The following RNF19A variants were observed in gnomAD, a reference collection of about 807,000 sequenced individuals.
RNF19A encodes the protein ring finger protein 19A, RBR E3 ubiquitin protein ligase, also known as E3 ubiquitin-protein ligase RNF19A.
A neutral mutation model predicts 75.7 loss-of-function variants in RNF19A; 32 were observed. The ratio of observed to expected loss-of-function variants is 0.42; its 90% CI spans 0.32 to 0.57. RNF19A has a LOEUF of 0.57. Among genes scored for constraint, RNF19A ranks in the 20% least tolerant of loss-of-function variants. The probability of loss-of-function intolerance (pLI) is 0.10; values close to 1 mark genes in which losing one functional copy is unlikely to be tolerated. For synonymous variants in RNF19A, 335 were observed against 345.2 expected (o/e 0.97, Z 0.33); for missense variants, 782 against 1,036.3 (o/e 0.75, Z 3.37).
At chr8:100,281,951 C>T (rs1195319374) in intron 2 of RNF19A, among the ~76,000 whole-genome samples, 1 of 152,136 alleles carries the variant, frequency 6.6e-6, no homozygotes, top group East Asian at 1.9e-4. Flanking sequence ...AGGTTCATCT[C>T]CTGGTTCCCT....
intron 1 of RNF19A, among the ~76,000 whole-genome samples, chr8:100,328,428 G>A (rs952598446): frequency 1.3e-5 from 2 of 152,024 alleles, no homozygotes; most frequent in Admixed American, 1.3e-4. Context: ...CTGGGACAGA[G>A]AATAGGAGAG....
intron 1 of RNF19A, among the ~76,000 whole-genome samples, chr8:100,304,370 T>C (rs904230122): frequency 1.3e-5 from 2 of 152,206 alleles, no homozygotes; most frequent in Non-Finnish European, 2.9e-5. Context: ...CTGCCACCCT[T>C]GCTTTGGATA....
intron 1 of RNF19A, among the ~76,000 whole-genome samples, chr8:100,301,920 C>A (rs572416672): frequency 6.6e-6 from 1 of 152,070 alleles, no homozygotes; most frequent in South Asian, 2.1e-4. Flanking sequence ...GAGGTGTTAG[C>A]TATGTGGAAA....
At chr8:100,304,096 G>A (rs905178033) in intron 1 of RNF19A, among the ~76,000 whole-genome samples, 1 of 152,014 alleles carries the variant, frequency 6.6e-6, no homozygotes, top group South Asian at 2.1e-4. Flanking sequence ...AGCTGGAACT[G>A]CAGGTGCCCA....
rs144211088 is a variant in RNF19A, at chr8:100,261,299, T to C, written c.1682+243A>G. Among the ~76,000 whole-genome samples, 2,985 of 152,210 alleles carry C rather than the reference T, an allele frequency of 0.02. 99 individuals carry two copies. The highest frequency in any genetic ancestry group is 0.066 in the African/African-American group (2,726 of 41,490). On this transcript the variant is annotated intron_variant, in intron 8 of 9. Transcript: ENST00000341084. This position sits in a 1 kb window ranked among gnomAD's most constrained non-coding sequence, Gnocchi z 4.4. ...TTTTAGTAGAGATGGGGTTTCGCCA[T>C]GTTGCCCAGGCTGGTCTCGAACTCC...
chr8:100,280,559 A>G (rs1354051657), intron 2 of RNF19A, among the ~76,000 whole-genome samples: 1 of 152,228 alleles, frequency 6.6e-6, no homozygotes, highest in East Asian at 1.9e-4. Context: ...GTCTTACTGA[A>G]TTTATACAAA....
intron 1 of RNF19A, among the ~76,000 whole-genome samples, chr8:100,301,337 T>C (rs1821818130): frequency 6.6e-6 from 1 of 152,216 alleles, no homozygotes; most frequent in South Asian, 2.1e-4. Context: ...TAGGCCTTCA[T>C]TAATCACCTG....
At chr8:100,315,501 G>A (rs760064459) in intron 1 of RNF19A, among the ~76,000 whole-genome samples, 1 of 152,164 alleles carries the variant, frequency 6.6e-6, no homozygotes, top group Non-Finnish European at 1.5e-5. Flanking sequence ...CAGGGAGAAA[G>A]AGATTCTCTT....
At chr8:100,267,612 C>T (rs1357380167) in intron 5 of RNF19A, among the ~76,000 whole-genome samples, 1 of 151,918 alleles carries the variant, frequency 6.6e-6, no homozygotes, top group African/African-American at 2.4e-5. Context: ...TCAAGTGATC[C>T]TTCTGCCTCA....
chr8:100,300,496 TAC>T (rs1482014960), intron 1 of RNF19A: 1 of 151,894 alleles, frequency 6.6e-6, no homozygotes, highest in Non-Finnish European at 1.5e-5. Flanking sequence ...CTACAAAAAC[TAC>T]ACAAATTAGC....
intron 1 of RNF19A, among the ~76,000 whole-genome samples, chr8:100,298,465 G>A (rs1821675235): frequency 6.6e-6 from 1 of 152,152 alleles, no homozygotes; most frequent in African/African-American, 2.4e-5. Context: ...CATTAGTGTA[G>A]GTGAGTATCA....
At chr8:100,286,197 T>C (rs1821009029) in intron 2 of RNF19A, among the ~76,000 whole-genome samples, 1 of 152,208 alleles carries the variant, frequency 6.6e-6, no homozygotes, top group Admixed American at 6.5e-5. Flanking sequence ...CTATTCATTA[T>C]TCCTATTTTC....
rs1822399726 is a variant in RNF19A at position 100,317,349 on chromosome 8, A to T, written c.-242-3977T>A. Among the ~76,000 whole-genome samples the T allele has an allele frequency of 6.6e-6, 1 of 152,240 alleles. No homozygotes were observed. The highest frequency in any genetic ancestry group is 2.1e-4 in the South Asian group (1 of 4,836). On this transcript the variant is annotated intron_variant, in intron 1 of 3. Coordinates refer to the RNF19A transcript ENST00000519527. The surrounding 1 kb of genome is among the most constrained non-coding windows in gnomAD (Gnocchi z 4.3). ...GACTGCCAGCACGCTGTCACCTCTC[A>T]TAAGTGTTTCAGTCATTATGATAAT...
rs988823230 is a variant in RNF19A, at chr8:100,332,516, A to G, written c.-243+3592T>C. On this transcript the variant is annotated intron_variant, in intron 1 of 3. Transcript: ENST00000519527. This position sits in a 1 kb window ranked among gnomAD's most constrained non-coding sequence, Gnocchi z 4.8. Reference sequence around the variant, plus strand: ...CTTTATAAATTACTCAGTTTCAGGGAAGTTCTTTATAGCAGTGTGAAAACA... The same window carrying G: ...CTTTATAAATTACTCAGTTTCAGGGGAGTTCTTTATAGCAGTGTGAAAACA... 6.6e-6 allele frequency among the ~76,000 whole-genome samples: 1 copy of G among 152,208 alleles called. No homozygotes were observed. The highest frequency in any genetic ancestry group is 1.5e-5 in the Non-Finnish European group (1 of 68,040).
In RNF19A at chr8:100,260,684, C is replaced by G. The variant is rs1819671015; in HGVS notation, c.1683-687G>C. 6.6e-6 allele frequency among the ~76,000 whole-genome samples: 1 copy of G among 152,110 alleles called. No individual in the cohort carries two copies. The highest frequency in any genetic ancestry group is 2.1e-4 in the South Asian group (1 of 4,826). On this transcript the variant is annotated intron_variant, in intron 8 of 9. Transcript: ENST00000341084. The surrounding 1 kb of genome is among the most constrained non-coding windows in gnomAD (Gnocchi z 4.1). ...TAATTTATCTTTTAATTCATGTATT[C>G]TCCCCTACACTTAAAAAAAGCAAGG...
At chr8:100,310,012 G>A (rs975562783), upstream of RNF19A, 2 of 984,940 alleles carry the variant, frequency 2.0e-6, no homozygotes, top group South Asian at 4.7e-5. Flanking sequence ...GACGACGGAG[G>A]GGAGGAGTCC....
chr8:100,309,222 C>A, intron 1 of RNF19A: 2 of 741,168 alleles, frequency 2.7e-6, no homozygotes, highest in Non-Finnish European at 3.3e-6. Context: ...ACACATACTT[C>A]ACCCCAAGGC....
At chr8:100,300,916 T>C (rs1014738092) in intron 1 of RNF19A, among the ~76,000 whole-genome samples, 1 of 152,180 alleles carries the variant, frequency 6.6e-6, no homozygotes, top group African/African-American at 2.4e-5. Flanking sequence ...AAACTAGTCA[T>C]GTAAAGGTCC....
Position 100,325,343 on chromosome 8 carries a change from CTG to C in RNF19A, c.-243+10763_-243+10764del, listed in dbSNP as rs772359857. 1.3e-5 allele frequency among the ~76,000 whole-genome samples: 2 copies of C among 152,204 alleles called. No individual in the cohort carries two copies. Among genetic ancestry groups the C allele is most frequent in the Non-Finnish European group, 2.9e-5 (2 of 68,040 alleles). On this transcript the variant is annotated intron_variant, in intron 1 of 3. Coordinates refer to the RNF19A transcript ENST00000519527. This position sits in a 1 kb window ranked among gnomAD's most constrained non-coding sequence, Gnocchi z 4.3. ...CTTCCAAAAAGTAGTTACAATGTAACTGTGTAAATTTATAAATTATAAAATTA... is the reference window on the plus strand; with the variant it reads ...CTTCCAAAAAGTAGTTACAATGTAACTGTAAATTTATAAATTATAAAATTA...
Sources: gnomAD v4.1 joint callset for allele counts (sites outside exome capture counted in the v4.1 genomes callset) on GRCh38, gnomAD v4.1.1 for gene constraint, Gnocchi (gnomAD v3.1) non-coding constraint, MANE v1.5 for transcripts, NCBI Gene and HGNC (gene_info 2026-07-23, HGNC 2026-07-21) for gene names.